Variants in AGBL4 observed in about 807,000 individuals in gnomAD.
AGBL4 encodes cytosolic carboxypeptidase 6.
A neutral mutation model predicts 66.4 loss-of-function variants in AGBL4; 58 were observed. The ratio of observed to expected loss-of-function variants is 0.87; its 90% CI spans 0.71 to 1.09. The LOEUF is 1.09. Among genes scored for constraint, AGBL4 ranks in the 50% least tolerant of loss-of-function variants. The pLI is 0.00. For missense variants in AGBL4, 579 were observed against 631.0 expected, an observed-to-expected ratio of 0.92 and a Z score of 0.88; for synonymous variants, 234 against 222.9, an observed-to-expected ratio of 1.05 and a Z score of -0.44.
At chr1:49,138,910 C>T (rs560110665) in intron 4 of AGBL4, among the ~76,000 whole-genome samples, 1 of 152,224 alleles carries the variant, frequency 6.6e-6, no homozygotes, top group African/African-American at 2.4e-5. Context: ...AGAGGTTGAA[C>T]TGATTCACAG....
chr1:49,981,956 T>C (rs1451828201), intron 1 of AGBL4, among the ~76,000 whole-genome samples: 1 of 152,250 alleles, frequency 6.6e-6, no homozygotes, highest in Non-Finnish European at 1.5e-5. Context: ...ATGAAACTCA[T>C]TGGATTTCAC....
chr1:49,648,394 C>T (rs1167243996), intron 3 of AGBL4, among the ~76,000 whole-genome samples: 2 of 148,498 alleles, frequency 1.3e-5, no homozygotes, highest in Admixed American at 1.3e-4. Flanking sequence ...AAATGTGCAA[C>T]ATACACATAA....
intron 4 of AGBL4, among the ~76,000 whole-genome samples, chr1:49,112,459 A>G (rs537957955): frequency 3.9e-5 from 6 of 152,310 alleles, no homozygotes; most frequent in African/African-American, 1.4e-4. Flanking sequence ...AAAATAAAAC[A>G]ACAATAAACT....
At chr1:48,869,521 A>C (rs1648436982) in intron 5 of AGBL4, among the ~76,000 whole-genome samples, 1 of 152,206 alleles carries the variant, frequency 6.6e-6, no homozygotes, top group Non-Finnish European at 1.5e-5. Context: ...ATTAAGAACT[A>C]TTGCTAAACG....
intron 3 of AGBL4, among the ~76,000 whole-genome samples, chr1:49,427,770 C>A (rs1645696785): frequency 1.3e-5 from 2 of 152,214 alleles, no homozygotes; most frequent in Non-Finnish European, 1.5e-5. Context: ...GGGACCTGAG[C>A]AGGTTGCTGC....
At chr1:49,484,985 A>G (rs1319427759) in intron 3 of AGBL4, among the ~76,000 whole-genome samples, 2 of 152,064 alleles carry the variant, frequency 1.3e-5, no homozygotes, top group Non-Finnish European at 2.9e-5. Context: ...CAGCCTTTAA[A>G]AAGAATGAGA....
At chr1:49,276,719 C>T (rs1048058671) in intron 3 of AGBL4, among the ~76,000 whole-genome samples, 2 of 152,306 alleles carry the variant, frequency 1.3e-5, no homozygotes, top group Admixed American at 1.3e-4. Context: ...CTCCCATAGC[C>T]TGTCTTGTCA....
intron 6 of AGBL4, among the ~76,000 whole-genome samples, chr1:48,747,223 C>T (rs1650911585): frequency 6.6e-6 from 1 of 152,084 alleles, no homozygotes; most frequent in South Asian, 2.1e-4. Context: ...ACTTTTTTCA[C>T]TTTGTGGGAA....
At chr1:49,619,646 G>C (rs1645318193) in intron 3 of AGBL4, among the ~76,000 whole-genome samples, 1 of 152,048 alleles carries the variant, frequency 6.6e-6, no homozygotes, top group South Asian at 2.1e-4. Context: ...AACCAAAAAA[G>C]AGTCTGTATA....
chr1:49,723,809 T>C (rs1648794891), intron 2 of AGBL4, among the ~76,000 whole-genome samples: 1 of 152,182 alleles, frequency 6.6e-6, no homozygotes, highest in Non-Finnish European at 1.5e-5. Context: ...CCAACCCATG[T>C]AACTTTGGGC....
At chr1:49,327,847 C>A (rs1645255957) in intron 3 of AGBL4, among the ~76,000 whole-genome samples, 1 of 152,176 alleles carries the variant, frequency 6.6e-6, no homozygotes, top group African/African-American at 2.4e-5. Context: ...ATCTTAATTT[C>A]TCTGCCACTG....
intron 3 of AGBL4, among the ~76,000 whole-genome samples, chr1:49,361,866 C>T (rs1236422861): frequency 6.6e-6 from 1 of 152,088 alleles, no homozygotes; most frequent in Non-Finnish European, 1.5e-5. Flanking sequence ...TTACCTCCAA[C>T]CCTGGCCTCT....
intron 5 of AGBL4, among the ~76,000 whole-genome samples, chr1:49,029,289 G>C (rs1382079071): frequency 6.6e-6 from 1 of 152,144 alleles, no homozygotes; most frequent in Non-Finnish European, 1.5e-5. Flanking sequence ...ACTTGCAGAT[G>C]ATATGATCTT....
intron 2 of AGBL4, among the ~76,000 whole-genome samples, chr1:49,773,190 TATG>T (rs1644109497): frequency 6.6e-6 from 1 of 152,218 alleles, no homozygotes; most frequent in African/African-American, 2.4e-5. Context: ...GGCTCTTTTT[TATG>T]ATACCTCTTT....
At chr1:49,940,706 TG>T (rs747057279) in intron 1 of AGBL4, among the ~76,000 whole-genome samples, 5 of 147,968 alleles carry the variant, frequency 3.4e-5, no homozygotes, top group South Asian at 2.1e-4. Flanking sequence ...TGTTGTGGGG[TG>T]GGGGTATGGG....
intron 1 of AGBL4, among the ~76,000 whole-genome samples, chr1:50,016,847 T>C (rs1662020135): frequency 6.6e-6 from 1 of 152,140 alleles, no homozygotes; most frequent in Admixed American, 6.5e-5. Context: ...TTAATAGGAA[T>C]ATAAATTAGT....
intron 2 of AGBL4, among the ~76,000 whole-genome samples, chr1:49,762,928 C>A (rs942614256): frequency 6.6e-6 from 1 of 152,090 alleles, no homozygotes; most frequent in African/African-American, 2.4e-5. Flanking sequence ...TCTGTACTTT[C>A]GAGGCCTTAT....
intron 4 of AGBL4, among the ~76,000 whole-genome samples, chr1:49,173,033 C>T (rs540488272): frequency 1.6e-4 from 24 of 152,058 alleles, no homozygotes; most frequent in Non-Finnish European, 5.9e-5. Context: ...GCAGGAGGAT[C>T]GCTTGAACCC....
chr1:49,740,377 T>C (rs947950329), intron 2 of AGBL4, among the ~76,000 whole-genome samples: 2 of 151,978 alleles, frequency 1.3e-5, no homozygotes, highest in Non-Finnish European at 2.9e-5. Context: ...GCGCCCAATA[T>C]AGGAGCACCC....
Sources: gnomAD v4.1 joint callset for allele counts (sites outside exome capture counted in the v4.1 genomes callset) on GRCh38, gnomAD v4.1.1 for gene constraint, MANE v1.5 for transcripts, NCBI Gene and HGNC (gene_info 2026-07-23, HGNC 2026-07-21) for gene names.